Variants in IRAK3 observed in about 807,000 individuals in gnomAD.
The protein encoded by IRAK3 is interleukin-1 receptor-associated kinase 3.
A neutral mutation model predicts 56.6 loss-of-function variants in IRAK3; 57 were observed. The ratio of observed to expected loss-of-function variants is 1.01; its 90% CI spans 0.81 to 1.26. IRAK3 has a LOEUF of 1.26. Among genes scored for constraint, IRAK3 ranks in the 50% most tolerant of loss-of-function variants. The probability of loss-of-function intolerance (pLI) is 0.00; values close to 1 mark genes in which losing one functional copy is unlikely to be tolerated. For missense variants in IRAK3, 703 were observed against 719.0 expected, an observed-to-expected ratio of 0.98 and a Z score of 0.25; for synonymous variants, 258 against 255.7, an observed-to-expected ratio of 1.01 and a Z score of -0.09.
In IRAK3 at chr12:66,189,223, G is replaced by A. The variant is rs1452188240; in HGVS notation, c.-77G>A. Reference sequence around the variant, plus strand: ...CTGCCGTCGTGGAAGCAGGATTTCCGCGGTTGTGTAACGGCCTGTCGCAGG... The same window carrying A: ...CTGCCGTCGTGGAAGCAGGATTTCCACGGTTGTGTAACGGCCTGTCGCAGG... On this transcript the variant is annotated 5_prime_UTR_variant, in exon 1 of 12. Coordinates refer to ENST00000261233, the MANE Select transcript of IRAK3 (RefSeq NM_007199.3). 3 of 1,509,112 alleles carry A rather than the reference G, an allele frequency of 2.0e-6. No homozygotes were observed. Among genetic ancestry groups the A allele is most frequent in the Admixed American group, 2.0e-5 (1 of 50,568 alleles). The allele number at this position is 1,509,112 out of a possible 1,614,324, so 93.5% of individuals were successfully genotyped here.
intron 4 of IRAK3, among the ~76,000 whole-genome samples, chr12:66,210,621 T>A (rs2052602269): frequency 6.6e-6 from 1 of 152,214 alleles, no homozygotes; most frequent in East Asian, 1.9e-4. Context: ...ATCTTCCATA[T>A]CAACTTTCCT....
At chr12:66,227,158 C>T (rs1372181323) in intron 7 of IRAK3, among the ~76,000 whole-genome samples, 6 of 152,166 alleles carry the variant, frequency 3.9e-5, no homozygotes, top group Non-Finnish European at 8.8e-5. Context: ...TTGGCATCAA[C>T]TACTCTTATT....
chr12:66,218,257 C>T (rs1041462992), intron 6 of IRAK3, among the ~76,000 whole-genome samples: 4 of 152,154 alleles, frequency 2.6e-5, no homozygotes, highest in African/African-American at 9.6e-5. Flanking sequence ...ACATTGTACA[C>T]ATTGCTTATT....
intron 6 of IRAK3, 87 bp from the exon 7 acceptor site, chr12:66,226,636 C>T: frequency 3.8e-6 from 3 of 787,574 alleles, no homozygotes; most frequent in Non-Finnish European, 6.9e-6. Flanking sequence ...TATTCCCCAT[C>T]CCACCTTACT....
chr12:66,223,645 C>A (rs183668365), intron 6 of IRAK3, among the ~76,000 whole-genome samples: 6 of 147,844 alleles, frequency 4.1e-5, no homozygotes, highest in Admixed American at 2.7e-4. Context: ...GGCAACAGAG[C>A]GAGACTCCGT....
At chr12:66,233,482 C>T (rs1269510593) in intron 8 of IRAK3, among the ~76,000 whole-genome samples, 1 of 151,218 alleles carries the variant, frequency 6.6e-6, no homozygotes, top group Non-Finnish European at 1.5e-5. Context: ...CGCACCACTG[C>T]ACTCCAGCCT....
At position 66,226,789 on chromosome 12, in the gene IRAK3, T is replaced by G; in HGVS notation, c.720T>G (p.Ile240Met). ...YFTETEKFCL[I>M]YPYMRNGTLF... is the part of the protein sequence containing the mutation. ...CAGAGACTGAGAAGTTCTGTCTGAT[T>G]TATCCATACATGAGAAATGGAACAC... The change falls in exon 7 of 12, where the codon ATT (isoleucine) becomes ATG (methionine). Residue 240 changes from isoleucine to methionine, a missense_variant. Physicochemically the swap from Ile to Met is conservative, Grantham distance 10. Coordinates refer to ENST00000261233, the MANE Select transcript of IRAK3 (RefSeq NM_007199.3). 1 of 1,610,318 alleles carries G rather than the reference T, an allele frequency of 6.2e-7. No individual in the cohort carries two copies. Among genetic ancestry groups the G allele is most frequent in the Non-Finnish European group, 8.5e-7 (1 of 1,176,474 alleles).
intron 5 of IRAK3, among the ~76,000 whole-genome samples, chr12:66,215,786 G>GCACGTGCACGTGCGTGCGCGCA (rs368883846): frequency 8.1e-6 from 1 of 122,834 alleles, no homozygotes; most frequent in Non-Finnish European, 1.7e-5. Context: ...AACCCAACAT[G>GCACGTGCACGTGCGTGCGCGCA]CACACACACA....
chr12:66,233,165 T>C (rs905806669), intron 8 of IRAK3, among the ~76,000 whole-genome samples: 1 of 152,104 alleles, frequency 6.6e-6, no homozygotes, highest in African/African-American at 2.4e-5. Flanking sequence ...AGCTACAGCA[T>C]CAAAAGAGTT....
intron 5 of IRAK3, among the ~76,000 whole-genome samples, chr12:66,213,538 G>A (rs1256407953): frequency 3.3e-5 from 5 of 152,038 alleles, no homozygotes; most frequent in Non-Finnish European, 7.4e-5. Context: ...ATACTGTAAT[G>A]GTGGATACAT....
At chr12:66,231,120 CT>C (rs2052839734) in intron 8 of IRAK3, among the ~76,000 whole-genome samples, 1 of 152,196 alleles carries the variant, frequency 6.6e-6, no homozygotes, top group Non-Finnish European at 1.5e-5. Context: ...GCCAATCAGT[CT>C]TTTTACTTAA....
At chr12:66,242,030 T>A (rs761059142) in intron 8 of IRAK3, among the ~76,000 whole-genome samples, 2 of 152,188 alleles carry the variant, frequency 1.3e-5, no homozygotes, top group Non-Finnish European at 1.5e-5. Context: ...GCTTTTGCAG[T>A]CTCATGATTC....
intron 2 of IRAK3, among the ~76,000 whole-genome samples, chr12:66,204,969 T>C (rs543255556): frequency 6.6e-6 from 1 of 152,328 alleles, no homozygotes; most frequent in South Asian, 2.1e-4. Flanking sequence ...CTTTTGCACA[T>C]TGTTTCTTCA....
rs1193262505 is a variant in IRAK3, at chr12:66,248,131, A to G, written c.1751A>G (p.Lys584Arg). 8 of 1,612,404 alleles carry G rather than the reference A, an allele frequency of 5.0e-6. No individual in the cohort carries two copies. The highest frequency in any genetic ancestry group is 1.3e-5 in the African/African-American group (1 of 74,730). The change falls in exon 12 of 12, where the codon AAA (lysine) becomes AGA (arginine). Residue 584 changes from lysine to arginine, a missense_variant. Transcript: ENST00000261233. ...CCAGTGGAGAGCAGCTGTTCCTCCA[A>G]ATTTTCCTGGGATGAATATGAACAG... ...SRPVESSCSS[K>R]FSWDEYEQYK...
chr12:66,201,524 A>C (rs533866896), intron 1 of IRAK3, among the ~76,000 whole-genome samples: 1 of 152,330 alleles, frequency 6.6e-6, no homozygotes, highest in African/African-American at 2.4e-5. Flanking sequence ...CAGATTGGGA[A>C]TATTATCATA....
chr12:66,247,280 A>AAAAC (rs199749350), intron 11 of IRAK3, among the ~76,000 whole-genome samples: 3 of 151,610 alleles, frequency 2.0e-5, no homozygotes, highest in South Asian at 2.1e-4. Context: ...AAAAAAAAAC[A>AAAAC]AAACAAACAA....
chr12:66,189,387 G>C lies in IRAK3; in HGVS notation c.88G>C (p.Ala30Pro), dbSNP rs2052376166. 6 of 1,527,676 alleles carry C rather than the reference G, an allele frequency of 3.9e-6. No homozygotes were observed. Among genetic ancestry groups the C allele is most frequent in the Non-Finnish European group, 5.2e-6 (6 of 1,143,238 alleles). 94.6% of individuals were successfully genotyped at this position (1,527,676 alleles called of 1,614,324 possible). Residue 30 changes from alanine (A) to proline (P), a missense_variant, in exon 1 of 12, where the codon GCT becomes CCT. Physicochemically the swap from Ala to Pro is conservative, Grantham distance 27. Coordinates refer to ENST00000261233, the MANE Select transcript of IRAK3 (RefSeq NM_007199.3). ...GCCCGCGCTGCTCGGAGAGCTCTGC[G>C]CTGTTCTGGACAGCTGCGACGGCGC... ...LPPALLGELC[A>P]VLDSCDGALG...
chr12:66,233,958 G>C (rs1019960096), intron 8 of IRAK3: 3 of 1,215,060 alleles, frequency 2.5e-6, no homozygotes, highest in Non-Finnish European at 3.5e-6. Flanking sequence ...ACGTTTTCAA[G>C]AACTTGTGCA....
At chr12:66,226,147 AT>A (rs1485733394) in intron 6 of IRAK3, among the ~76,000 whole-genome samples, 3 of 151,666 alleles carry the variant, frequency 2.0e-5, no homozygotes, top group Non-Finnish European at 2.9e-5. Flanking sequence ...AAAAATCTTT[AT>A]TTTTTTAAAT....
Sources: gnomAD v4.1 joint callset for allele counts (sites outside exome capture counted in the v4.1 genomes callset) on GRCh38, gnomAD v4.1.1 for gene constraint, MANE v1.5 for transcripts, NCBI Gene and HGNC (gene_info 2026-07-23, HGNC 2026-07-21) for gene names.